The following PEMT variants were observed in gnomAD, a reference collection of about 807,000 sequenced individuals.
PEMT encodes phosphatidylethanolamine N-methyltransferase.
A neutral mutation model predicts 27.4 loss-of-function variants in PEMT; 23 were observed. The ratio of observed to expected loss-of-function variants is 0.84; its 90% CI spans 0.60 to 1.19. The LOEUF (loss-of-function observed/expected upper bound fraction) is 1.19, where lower values mean the gene tolerates loss of function less well. PEMT is among the 50% of genes most tolerant of loss of function. The pLI is 0.00. For missense variants in PEMT, 307 were observed against 310.1 expected, an observed-to-expected ratio of 0.99 and a Z score of 0.07; for synonymous variants, 137 against 139.1, an observed-to-expected ratio of 0.98 and a Z score of 0.11.
At chr17:17,540,379 T>C (rs570961785) in intron 2 of PEMT, among the ~76,000 whole-genome samples, 1 of 152,304 alleles carries the variant, frequency 6.6e-6, no homozygotes, top group South Asian at 2.1e-4. Context: ...AAGCACCAAC[T>C]TCGGGCTGAG....
intron 3 of PEMT, among the ~76,000 whole-genome samples, chr17:17,521,564 TAAA>T (rs960174176): frequency 4.0e-5 from 6 of 149,582 alleles, no homozygotes; most frequent in African/African-American, 1.2e-4. Context: ...AGCTTTCTTT[TAAA>T]AAAAAAAAAA....
chr17:17,531,676 T>TAA (rs1481431286), intron 2 of PEMT, among the ~76,000 whole-genome samples: 1 of 69,440 alleles, frequency 1.4e-5, no homozygotes, highest in Non-Finnish European at 3.4e-5. Context: ...AGAAAAAATA[T>TAA]AAAAATGAAT....
chr17:17,591,591 C>T lies in PEMT; in HGVS notation c.36G>A (p.Thr12=). The T allele has an allele frequency of 3.1e-6, 5 of 1,613,618 alleles. No individual in the cohort carries two copies. Among genetic ancestry groups the T allele is most frequent in the Non-Finnish European group, 4.2e-6 (5 of 1,179,764 alleles). Reference sequence around the variant, plus strand: ...AGTCAGGCCCTGCCACCGAGCTGTTCGTTACCTCGGCTCCCGGGTTCCCAG... The same window carrying T: ...AGTCAGGCCCTGCCACCGAGCTGTTTGTTACCTCGGCTCCCGGGTTCCCAG... ...KRSGNPGAEV[T]NSSVAGPDCC... The change falls in exon 1 of 7, where the codon ACG becomes ACA. Residue 12 remains threonine (T), a synonymous_variant. Coordinates refer to ENST00000255389, the MANE Select transcript of PEMT (RefSeq NM_148172.3).
At chr17:17,585,895 A>G (rs1396010087) in intron 1 of PEMT, among the ~76,000 whole-genome samples, 1 of 151,936 alleles carries the variant, frequency 6.6e-6, no homozygotes, top group Non-Finnish European at 1.5e-5. Context: ...ATCCTGGCTA[A>G]CACGGTGAAA....
chr17:17,545,296 C>A (rs7209262), intron 2 of PEMT, among the ~76,000 whole-genome samples: 4,105 of 152,262 alleles, frequency 0.027, 202 homozygotes, highest in African/African-American at 0.094. Context: ...GGCGTCCCAG[C>A]CCACCTCTCA....
intron 2 of PEMT, among the ~76,000 whole-genome samples, chr17:17,529,907 G>A (rs1053446554): frequency 2.0e-5 from 3 of 152,204 alleles, no homozygotes; most frequent in Non-Finnish European, 2.9e-5. Flanking sequence ...CTGGAGAAGG[G>A]CTCCTTGTAG....
intron 2 of PEMT, among the ~76,000 whole-genome samples, chr17:17,562,551 G>A (rs972745011): frequency 3.9e-5 from 6 of 152,242 alleles, no homozygotes; most frequent in Non-Finnish European, 8.8e-5. Context: ...TGGCTCACCT[G>A]TAATCCCAGC....
At chr17:17,556,451 G>T (rs913537455) in intron 2 of PEMT, among the ~76,000 whole-genome samples, 1 of 151,706 alleles carries the variant, frequency 6.6e-6, no homozygotes, top group Admixed American at 6.6e-5. Flanking sequence ...TTGGCTCACT[G>T]CAACTCCCGC....
intron 2 of PEMT, among the ~76,000 whole-genome samples, chr17:17,541,344 C>T (rs1258695079): frequency 4.0e-5 from 6 of 151,246 alleles, no homozygotes; most frequent in African/African-American, 1.5e-4. Context: ...TCAGCTCCTC[C>T]AGCTCTACAC....
chr17:17,566,141 C>T (rs4646360), intron 2 of PEMT, among the ~76,000 whole-genome samples: 10,004 of 152,272 alleles, frequency 0.066, 852 homozygotes, highest in African/African-American at 0.19. Flanking sequence ...CATTCAGCCT[C>T]CAAAGAAGAC....
intron 3 of PEMT, chr17:17,518,289 C>T (rs1416965065): frequency 1.1e-5 from 4 of 372,282 alleles, no homozygotes; most frequent in Admixed American, 6.4e-5. Context: ...CCACGCCTCG[C>T]CCACCCCCGT....
chr17:17,517,873 G>A, intron 3 of PEMT: 6 of 628,328 alleles, frequency 9.5e-6, no homozygotes, highest in Non-Finnish European at 1.2e-5. Context: ...TTGGTCGTAA[G>A]GCTTCTTCAG....
At position 17,555,523 on chromosome 17, in the gene PEMT, G is replaced by A. The variant is rs559464268; in HGVS notation, c.204+21397C>T. On this transcript the variant is annotated intron_variant, in intron 2 of 6. Coordinates refer to ENST00000255389, the MANE Select transcript of PEMT (RefSeq NM_148172.3). ...GCCTGCATCACAGAAGAGGGTGGGGGTGCCATGTCCCTACCTGGGCAGGGG... is the reference window on the plus strand; with the variant it reads ...GCCTGCATCACAGAAGAGGGTGGGGATGCCATGTCCCTACCTGGGCAGGGG... Among the ~76,000 whole-genome samples the A allele has an allele frequency of 4.6e-5, 7 of 152,342 alleles. 1 individual carries two copies. The South Asian group carries it at 1.5e-3, about 32-fold the overall frequency.
intron 2 of PEMT, among the ~76,000 whole-genome samples, chr17:17,546,127 A>G (rs915971968): frequency 3.9e-5 from 6 of 152,008 alleles, no homozygotes; most frequent in Admixed American, 3.9e-4. Context: ...GCCTCCCCAC[A>G]CCTCCCTGGG....
At chr17:17,585,820 T>G (rs1017610191) in intron 1 of PEMT, among the ~76,000 whole-genome samples, 1 of 151,984 alleles carries the variant, frequency 6.6e-6, no homozygotes, top group Non-Finnish European at 1.5e-5. Context: ...CGGTGAGTCA[T>G]GCCTGTAATC....
Position 17,561,683 on chromosome 17 carries a change from C to T in PEMT, c.204+15237G>A, listed in dbSNP as rs1010919818. On this transcript the variant is annotated intron_variant, in intron 2 of 6. Coordinates refer to ENST00000255389, the MANE Select transcript of PEMT (RefSeq NM_148172.3). The surrounding 1 kb of genome is among the most constrained non-coding windows in gnomAD (Gnocchi z 4.5). ...AGAAGCCAGGAACCTTGCCCAGGTC[C>T]GTCTTGCTATCAAAGGCAGGACAGA... Among the ~76,000 whole-genome samples the T allele has an allele frequency of 3.3e-5, 5 of 152,156 alleles. No homozygotes were observed. The highest frequency in any genetic ancestry group is 1.9e-4 in the East Asian group (1 of 5,198).
chr17:17,537,403 C>T (rs1451224807), intron 2 of PEMT, among the ~76,000 whole-genome samples: 1 of 152,260 alleles, frequency 6.6e-6, no homozygotes, highest in Non-Finnish European at 1.5e-5. Context: ...CCATGGGTGA[C>T]TGTGGTCCAG....
In PEMT at chr17:17,512,868, A is replaced by C. The variant is rs1239639140; in HGVS notation, c.321-214T>G. Among the ~76,000 whole-genome samples, 4 of 152,102 alleles carry C rather than the reference A, an allele frequency of 2.6e-5. No homozygotes were observed. The highest frequency in any genetic ancestry group is 2.6e-4 in the Admixed American group (4 of 15,276). On this transcript the variant is annotated intron_variant, in intron 3 of 6. Coordinates refer to ENST00000255389, the MANE Select transcript of PEMT (RefSeq NM_148172.3). This position sits in a 1 kb window ranked among gnomAD's most constrained non-coding sequence, Gnocchi z 6.3. ...GGGGCCCAGGCCTGTCAGATTTTTA[A>C]ATTTTTTCAAGAGAAGCCAGAAATC... is the stretch of plus-strand genomic sequence containing the variant.
At chr17:17,524,309 T>C (rs1907509543) in intron 2 of PEMT, among the ~76,000 whole-genome samples, 1 of 152,172 alleles carries the variant, frequency 6.6e-6, no homozygotes, top group South Asian at 2.1e-4. Context: ...AGGAGTGGAA[T>C]TGCTGGGTCA....
Sources: gnomAD v4.1 joint callset for allele counts (sites outside exome capture counted in the v4.1 genomes callset) on GRCh38, gnomAD v4.1.1 for gene constraint, Gnocchi (gnomAD v3.1) non-coding constraint, MANE v1.5 for transcripts, NCBI Gene and HGNC (gene_info 2026-07-23, HGNC 2026-07-21) for gene names.